The following APOBEC3C variants were observed in gnomAD, a reference collection of about 807,000 sequenced individuals.
The protein encoded by APOBEC3C is DNA dC->dU-editing enzyme APOBEC-3C.
Under a neutral mutation model 20.6 loss-of-function variants are expected in APOBEC3C, and 14 were observed. That is an observed-to-expected ratio of 0.68 (90% CI 0.45 to 1.06). The LOEUF is 1.06. APOBEC3C is among the 50% of genes least tolerant of loss of function. APOBEC3C has a pLI of 0.00. For synonymous variants in APOBEC3C, 98 were observed against 88.8 expected (o/e 1.10, Z -0.58); for missense variants, 244 against 241.9 (o/e 1.01, Z -0.06).
At chr22:39,015,168 G>A (rs1394717725) in intron 1 of APOBEC3C, among the ~76,000 whole-genome samples, 3 of 151,928 alleles carry the variant, frequency 2.0e-5, no homozygotes, top group Admixed American at 6.6e-5. Context: ...GGGTGCTGGC[G>A]GGCGTCTGTA....
rs1480930677 is a variant in APOBEC3C, at chr22:39,018,274, A to G, written c.460A>G (p.Lys154Glu). ...TTCTCCTTGTTTTTTCTCAGATTTTAAATATTGTTGGGAAAACTTTGTGTA... is the reference window on the plus strand; with the variant it reads ...TTCTCCTTGTTTTTTCTCAGATTTTGAATATTGTTGGGAAAACTTTGTGTA... ...AVEIMDYEDF[K>E]YCWENFVYND... The change falls in exon 4 of 4, where the codon AAA (lysine) becomes GAA (glutamate). Residue 154 changes from lysine to glutamate, a missense_variant. By Grantham distance (56) the Lys-to-Glu change is moderately conservative. Transcript: ENST00000361441. 1 of 1,613,258 alleles carries G rather than the reference A, an allele frequency of 6.2e-7. No individual in the cohort carries two copies. The highest frequency in any genetic ancestry group is 8.5e-7 in the Non-Finnish European group (1 of 1,179,594).
chr22:39,015,291 TTTAAAAAAAAAAAAAA>T (rs1447400733), intron 1 of APOBEC3C, among the ~76,000 whole-genome samples: 1 of 145,410 alleles, frequency 6.9e-6, no homozygotes, highest in Non-Finnish European at 1.5e-5. Context: ...AGATGCCGTC[TTTAAAAAAAAAAAAAA>T]AAAAGTAGCA....
intron 2 of APOBEC3C, among the ~76,000 whole-genome samples, chr22:39,017,405 A>C (rs1924823650): frequency 6.6e-6 from 1 of 152,126 alleles, no homozygotes; most frequent in South Asian, 2.1e-4. Context: ...TGGGAGGGTG[A>C]GGCAGGAGGA....
Position 39,017,774 on chromosome 22 carries a change from T to C in APOBEC3C, c.183T>C (p.Ser61=). The change falls in exon 3 of 4, where the codon TCT becomes TCC. Residue 61 remains serine, a synonymous_variant. Coordinates refer to ENST00000361441, the MANE Select transcript of APOBEC3C (RefSeq NM_014508.3). ...TCCTCCTCCTTCGCCAGGTGGATTC[T>C]GAGACCCATTGTCATGCAGAAAGGT... ...KTGVFRNQVD[S]ETHCHAERCF... 6.2e-7 allele frequency: 1 copy of C among 1,612,850 alleles called. No individual in the cohort carries two copies. Among genetic ancestry groups the C allele is most frequent in the African/African-American group, 1.3e-5 (1 of 75,040 alleles).
At chr22:39,015,283 A>T (rs1197586627) in intron 1 of APOBEC3C, among the ~76,000 whole-genome samples, 2 of 148,652 alleles carry the variant, frequency 1.3e-5, no homozygotes, top group African/African-American at 5.1e-5. Context: ...ACAGAGCGAG[A>T]TGCCGTCTTT....
intron 2 of APOBEC3C, 96 bp from the exon 3 acceptor site, chr22:39,017,670 G>T: frequency 6.8e-7 from 1 of 1,460,768 alleles, no homozygotes; most frequent in Non-Finnish European, 9.3e-7. Context: ...AAACGGCCCG[G>T]GGCTCCAGGC....
chr22:39,015,773 C>T (rs372455071), intron 2 of APOBEC3C, 22 bp downstream of exon 2: 2 of 1,608,102 alleles, frequency 1.2e-6, no homozygotes, highest in African/African-American at 1.3e-5. Flanking sequence ...GTCCTAGTTA[C>T]ACCCTAAATA....
chr22:39,018,377 G>C lies in APOBEC3C; in HGVS notation c.563G>C (p.Ser188Thr), dbSNP rs112120857. ...CTTCTGAAAAGAAGGCTACGGGAGA[G>C]TCTCCAGTGAGGGGTCTCCCTGGGC... ...FRLLKRRLRE[S>T]LQ The change falls in exon 4 of 4, where the codon AGT becomes ACT. Residue 188 changes from serine (S) to threonine (T), a missense_variant. By Grantham distance (58) the Ser-to-Thr change is moderately conservative. Coordinates refer to ENST00000361441, the MANE Select transcript of APOBEC3C (RefSeq NM_014508.3). 1.4e-5 allele frequency: 23 copies of C among 1,613,660 alleles called. No homozygotes were observed. The highest frequency in any genetic ancestry group is 1.0e-5 in the Non-Finnish European group (12 of 1,179,784).
chr22:39,018,192 T>A, intron 3 of APOBEC3C, 77 bp from the exon 4 acceptor site: 1 of 1,573,432 alleles, frequency 6.4e-7, no homozygotes, highest in Non-Finnish European at 8.6e-7. Context: ...CCTGGATACC[T>A]GGGCTGGGAG....
Position 39,014,296 on chromosome 22 carries a change from C to G in APOBEC3C, c.-67C>G. 6.2e-7 allele frequency: 1 copy of G among 1,602,756 alleles called. No individual in the cohort carries two copies. Among genetic ancestry groups the G allele is most frequent in the East Asian group, 2.2e-5 (1 of 44,760 alleles). ...TGCTCAACTGCAAGGACGCTGTAAG[C>G]AGGAAGAGAAGCCACAGCGCTTCAG... On this transcript the variant is annotated 5_prime_UTR_variant, in exon 1 of 4. Transcript: ENST00000361441.
chr22:39,017,472 T>TA (rs34935951), intron 2 of APOBEC3C, among the ~76,000 whole-genome samples: 2 of 151,882 alleles, frequency 1.3e-5, no homozygotes, highest in African/African-American at 2.4e-5. Context: ...ACCCCGTCTC[T>TA]AAAAAAATTA....
intron 1 of APOBEC3C, among the ~76,000 whole-genome samples, chr22:39,014,989 A>G (rs1924730197): frequency 6.6e-6 from 1 of 151,982 alleles, no homozygotes; most frequent in Non-Finnish European, 1.5e-5. Context: ...AAAAAATATG[A>G]TGATCAGGAG....
intron 3 of APOBEC3C, 75 bp from the exon 4 acceptor site, chr22:39,018,194 G>A: frequency 6.3e-7 from 1 of 1,575,282 alleles, no homozygotes; most frequent in South Asian, 1.2e-5. Context: ...TGGATACCTG[G>A]GCTGGGAGGG....
chr22:39,016,739 G>A (rs1480112549), intron 2 of APOBEC3C, among the ~76,000 whole-genome samples: 3 of 152,154 alleles, frequency 2.0e-5, no homozygotes, highest in Admixed American at 6.5e-5. Flanking sequence ...GCTGTGTCTG[G>A]GCCAGTGACT....
At chr22:39,017,714 T>A in intron 2 of APOBEC3C, 52 bp from the exon 3 acceptor site, 1 of 1,584,724 alleles carries the variant, frequency 6.3e-7, no homozygotes, top group Non-Finnish European at 8.6e-7. Context: ...ACCCCTGCAC[T>A]CCTCCTGCTC....
In APOBEC3C at chr22:39,018,045, G is replaced by A; in HGVS notation, c.454G>A (p.Asp152Asn). ...CGCTGTGGAGATCATGGACTATGAA[G>A]GTGAGACGTGGGGGGCTGAGGAGAG... is the stretch of plus-strand genomic sequence containing the variant. The part of the protein sequence containing the change: ...GVAVEIMDYE[D>N]FKYCWENFVY... The change falls in exon 3 of 4, where the codon GAT becomes AAT. Residue 152 changes from aspartate (D) to asparagine (N), a missense_variant and splice_region_variant. Coordinates refer to ENST00000361441, the MANE Select transcript of APOBEC3C (RefSeq NM_014508.3). 6.2e-7 allele frequency: 1 copy of A among 1,613,898 alleles called. No individual in the cohort carries two copies. Among genetic ancestry groups the A allele is most frequent in the Non-Finnish European group, 8.5e-7 (1 of 1,179,798 alleles).
chr22:39,016,121 A>AGCCTTGG (rs1924771499), intron 2 of APOBEC3C, among the ~76,000 whole-genome samples: 1 of 151,772 alleles, frequency 6.6e-6, no homozygotes, highest in African/African-American at 2.4e-5. Context: ...CAAGTGATCC[A>AGCCTTGG]CCAGCCTTGG....
At position 39,015,672 on chromosome 22, in the gene APOBEC3C, A is replaced by T; in HGVS notation, c.95A>T (p.Glu32Val). 1 of 1,614,130 alleles carries T rather than the reference A, an allele frequency of 6.2e-7. No individual in the cohort carries two copies. The highest frequency in any genetic ancestry group is 8.5e-7 in the Non-Finnish European group (1 of 1,180,026). ...CTATGGGAAGCCAACGATCGGAACG[A>T]AACTTGGCTGTGCTTCACCGTGGAA... Reference protein sequence around the residue: ...KNLWEANDRNETWLCFTVEGI... With the variant: ...KNLWEANDRNVTWLCFTVEGI... Residue 32 changes from glutamate (E) to valine (V), a missense_variant, in exon 2 of 4, where the codon GAA becomes GTA. Coordinates refer to ENST00000361441, the MANE Select transcript of APOBEC3C (RefSeq NM_014508.3).
chr22:39,020,283 C>T lies in APOBEC3C; in HGVS notation c.*1896C>T, dbSNP rs1925000358. 1.3e-5 allele frequency: 2 copies of T among 152,374 alleles called. No homozygotes were observed. The highest frequency in any genetic ancestry group is 2.1e-4 in the South Asian group (1 of 4,824). 9.4% of individuals were successfully genotyped at this position (152,374 alleles called of 1,614,324 possible). ...TGGTGTTAACCAGAGGCTGCTCTTC[C>T]CAGGCTGCTGGATGGCTACCTTGCA... On this transcript the variant is annotated 3_prime_UTR_variant, in exon 4 of 4. Coordinates refer to ENST00000361441, the MANE Select transcript of APOBEC3C (RefSeq NM_014508.3).
Sources: gnomAD v4.1 joint callset for allele counts (sites outside exome capture counted in the v4.1 genomes callset) on GRCh38, gnomAD v4.1.1 for gene constraint, MANE v1.5 for transcripts, NCBI Gene and HGNC (gene_info 2026-07-23, HGNC 2026-07-21) for gene names.